Variants in ZCWPW1 observed in about 807,000 individuals in gnomAD.
ZCWPW1 encodes zinc finger CW-type PWWP domain protein 1.
Under a neutral mutation model 81.3 loss-of-function variants are expected in ZCWPW1, and 56 were observed. The observed-to-expected ratio is 0.69, with a 90% CI of 0.56 to 0.86. ZCWPW1 has a LOEUF of 0.86. ZCWPW1 is among the 40% of genes least tolerant of loss of function. ZCWPW1 has a pLI of 0.00. For missense variants in ZCWPW1, 650 were observed against 769.8 expected (o/e 0.84, Z 1.84); for synonymous variants, 250 against 273.7 (o/e 0.91, Z 0.86).
chr7:100,419,342 A>C (rs913885600), intron 4 of ZCWPW1, among the ~76,000 whole-genome samples, 153 bp from the exon 5 acceptor site: 2 of 152,208 alleles, frequency 1.3e-5, no homozygotes, highest in African/African-American at 4.8e-5. Flanking sequence ...ACTATATCCC[A>C]GATCTCCTGG....
At chr7:100,402,487 T>G in intron 16 of ZCWPW1, 29 bp downstream of exon 16, 1 of 1,613,168 alleles carries the variant, frequency 6.2e-7, no homozygotes, top group Middle Eastern at 1.6e-4. Flanking sequence ...AACTGTGGGT[T>G]GTGCTCCATT....
In ZCWPW1 at chr7:100,416,501, T is replaced by G. The variant is rs374432313; in HGVS notation, c.480-45A>C. The G allele has an allele frequency of 5.9e-4, 938 of 1,598,006 alleles. 6 individuals carry two copies. Among genetic ancestry groups the G allele is most frequent in the Admixed American group, 2.1e-4 (12 of 58,498 alleles). Reference sequence around the variant, plus strand: ...TTAATGAAAGGTAAAAATAGAGCAATTGCAGAACTCTTCTTCTGAAAAAAC... The same window carrying G: ...TTAATGAAAGGTAAAAATAGAGCAAGTGCAGAACTCTTCTTCTGAAAAAAC... On this transcript the variant is annotated intron_variant, in intron 6 of 17. Coordinates refer to ENST00000684423, the MANE Select transcript of ZCWPW1 (RefSeq NM_001386010.1).
intron 12 of ZCWPW1, among the ~76,000 whole-genome samples, chr7:100,405,473 G>C (rs991665613): frequency 1.3e-5 from 2 of 151,918 alleles, no homozygotes; most frequent in East Asian, 3.9e-4. Flanking sequence ...ATAAATATTA[G>C]AGAAGTGACC....
intron 3 of ZCWPW1, 108 bp downstream of exon 3, chr7:100,420,514 A>C: frequency 1.5e-6 from 2 of 1,308,578 alleles, no homozygotes; most frequent in South Asian, 2.4e-5. Context: ...ATTTGACCTG[A>C]GTGGGCACAG....
intron 12 of ZCWPW1, among the ~76,000 whole-genome samples, chr7:100,405,475 G>A (rs1357661785): frequency 1.3e-5 from 2 of 152,040 alleles, no homozygotes; most frequent in Admixed American, 6.6e-5. Context: ...AAATATTAGA[G>A]AAGTGACCCC....
At position 100,420,632 on chromosome 7, in the gene ZCWPW1, C is replaced by A. The variant is rs1161851593; in HGVS notation, c.18G>T (p.Gln6His). 2 of 1,614,084 alleles carry A rather than the reference C, an allele frequency of 1.2e-6. No individual in the cohort carries two copies. The highest frequency in any genetic ancestry group is 1.7e-6 in the Non-Finnish European group (2 of 1,180,020). Residue 6 changes from glutamine to histidine, a missense_variant, in exon 3 of 18, where the codon CAG (glutamine) becomes CAT (histidine). Gln to His is a conservative substitution (Grantham distance 24, BLOSUM62 0). Coordinates refer to ENST00000684423, the MANE Select transcript of ZCWPW1 (RefSeq NM_001386010.1). ...TCACTCTTGACTCACCTTCTTTATT[C>A]TGCAACGTTGTCATCATTCAGCTTA... MMTTL[Q>H]NKEECGKGPK...
At chr7:100,426,581 CCTG>C (rs1797392903) in intron 1 of ZCWPW1, among the ~76,000 whole-genome samples, 1 of 151,782 alleles carries the variant, frequency 6.6e-6, no homozygotes, top group African/African-American at 2.4e-5. Flanking sequence ...TATGTGGACT[CCTG>C]CTTATTTTCA....
In ZCWPW1 at chr7:100,425,088, CCT is replaced by C. The variant is rs2130886678; in HGVS notation, c.-90_-89del. 6.6e-6 allele frequency: 1 copy of C among 152,276 alleles called. No individual in the cohort carries two copies. The highest frequency in any genetic ancestry group is 2.4e-5 in the African/African-American group (1 of 41,566). 9.4% of individuals were successfully genotyped at this position (152,276 alleles called of 1,614,324 possible). A position where few individuals can be genotyped will look rare whatever the true frequency, so the allele number is the denominator to read the frequency against. On this transcript the variant is annotated 5_prime_UTR_variant, in exon 2 of 18. Transcript: ENST00000684423. The stretch of plus-strand genomic sequence containing the variant: ...CTTTCTGATAACTCAGGTTGCCCCT[CCT>C]CTGTTTCAGGTGAATTAACTTCTTT...
chr7:100,402,572 G>A lies in ZCWPW1; in HGVS notation c.1418C>T (p.Pro473Leu), dbSNP rs371378643. 3.1e-6 allele frequency: 5 copies of A among 1,613,900 alleles called. No homozygotes were observed. The African/African-American group carries it at 6.7e-5, about 22-fold the overall frequency. ...GACTCGCTTACGAATGGGCAAAATT[G>A]GGTCCTGAGGATGGGAGAGAAAGTT... The part of the protein sequence containing the change: ...LEKEEGEKTD[P>L]ILPIRKRVKI... The change falls in exon 16 of 18, where the codon CCA (proline) becomes CTA (leucine). Residue 473 changes from proline to leucine, a missense_variant. Pro to Leu is a moderately conservative substitution (Grantham distance 98). Coordinates refer to ENST00000684423, the MANE Select transcript of ZCWPW1 (RefSeq NM_001386010.1).
intron 11 of ZCWPW1, 73 bp from the exon 12 acceptor site, chr7:100,406,871 G>T (rs944057605): frequency 1.5e-6 from 2 of 1,360,608 alleles, no homozygotes; most frequent in Non-Finnish European, 2.1e-6. Context: ...AGAACAGATC[G>T]GGAGAATGGG....
At chr7:100,415,780 C>T (rs1795108498) in intron 8 of ZCWPW1, among the ~76,000 whole-genome samples, 195 bp downstream of exon 8, 1 of 152,216 alleles carries the variant, frequency 6.6e-6, no homozygotes, top group African/African-American at 2.4e-5. Flanking sequence ...ACACAGTAGG[C>T]ACCCAACAAC....
In ZCWPW1 at chr7:100,416,576, G is replaced by A. The variant is rs887988401; in HGVS notation, c.480-120C>T. On this transcript the variant is annotated intron_variant, in intron 6 of 17. Transcript: ENST00000684423. Reference sequence around the variant, plus strand: ...TCCTAAGCTCTCTAAGACCTCCTGAGGCCATTTCATCCATCTACTTGCCTA... The same window carrying A: ...TCCTAAGCTCTCTAAGACCTCCTGAAGCCATTTCATCCATCTACTTGCCTA... 11 of 1,027,282 alleles carry A rather than the reference G, an allele frequency of 1.1e-5. No individual in the cohort carries two copies. The African/African-American group carries it at 1.6e-4, about 15-fold the overall frequency. The allele number at this position is 1,027,282 out of a possible 1,614,324, so 63.6% of individuals were successfully genotyped here.
intron 5 of ZCWPW1, among the ~76,000 whole-genome samples, chr7:100,418,378 C>T (rs772579727): frequency 1.3e-5 from 2 of 152,168 alleles, no homozygotes; most frequent in Admixed American, 1.3e-4. Context: ...GGGCCAGGCA[C>T]TGTAGCTCAC....
chr7:100,408,543 G>A lies in ZCWPW1; in HGVS notation c.988C>T (p.Pro330Ser). The change falls in exon 10 of 18, where the codon CCC becomes TCC. Residue 330 changes from proline (P) to serine (S), a missense_variant. Transcript: ENST00000684423. The stretch of plus-strand genomic sequence containing the variant: ...GACTGTGTCATAATGCCCTACCAGG[G>A]GTAACCGTATTGCTTGGCCCAGATG... ...SIIWAKQYGY[P>S]WWPGMIESDP... 1.9e-6 allele frequency: 3 copies of A among 1,613,518 alleles called. No individual in the cohort carries two copies. The highest frequency in any genetic ancestry group is 2.5e-6 in the Non-Finnish European group (3 of 1,179,724).
chr7:100,420,784 T>G (rs1796212124), intron 2 of ZCWPW1, 106 bp from the exon 3 acceptor site: 1 of 1,069,228 alleles, frequency 9.4e-7, no homozygotes. Flanking sequence ...CTGAACTAGG[T>G]TTCTGCATTC....
At chr7:100,418,904 T>G (rs904100020) in intron 5 of ZCWPW1, 9 of 363,992 alleles carry the variant, frequency 2.5e-5, no homozygotes, top group Admixed American at 4.6e-5. Context: ...CCACTTTTTC[T>G]AAAAATATGT....
chr7:100,427,545 C>G (rs1476937109), intron 1 of ZCWPW1, among the ~76,000 whole-genome samples: 1 of 151,824 alleles, frequency 6.6e-6, no homozygotes, highest in Non-Finnish European at 1.5e-5. Flanking sequence ...ACTAAAAATA[C>G]AAAATTAGCC....
At chr7:100,420,747 G>A in intron 2 of ZCWPW1, 69 bp from the exon 3 acceptor site, 3 of 1,505,430 alleles carry the variant, frequency 2.0e-6, no homozygotes, top group Non-Finnish European at 2.7e-6. Flanking sequence ...TGTCTACTTG[G>A]GTTCAGAAAC....
intron 8 of ZCWPW1, among the ~76,000 whole-genome samples, chr7:100,413,130 C>T (rs1767532275): frequency 6.6e-6 from 1 of 152,190 alleles, no homozygotes; most frequent in Admixed American, 6.5e-5. Context: ...TCCCCATACT[C>T]CATCTCCAAT....
Sources: gnomAD v4.1 joint callset for allele counts (sites outside exome capture counted in the v4.1 genomes callset) on GRCh38, gnomAD v4.1.1 for gene constraint, MANE v1.5 for transcripts, NCBI Gene and HGNC (gene_info 2026-07-23, HGNC 2026-07-21) for gene names.